The following RUFY2 variants were observed in gnomAD, a reference collection of about 807,000 sequenced individuals.
RUFY2 encodes the protein RUN and FYVE domain-containing protein 2.
RUFY2 carries 49 observed loss-of-function variants against 94.4 expected under a neutral mutation model. The observed-to-expected ratio is 0.52, with a 90% CI of 0.41 to 0.66. The LOEUF (loss-of-function observed/expected upper bound fraction) is 0.66, where lower values mean the gene tolerates loss of function less well. Ranked by LOEUF, RUFY2 falls within the 30% of genes least tolerant of loss-of-function variation. RUFY2 has a pLI of 0.00. For missense variants in RUFY2, 541 were observed against 692.8 expected (o/e 0.78, Z 2.46); for synonymous variants, 255 against 235.7 (o/e 1.08, Z -0.75).
intron 15 of RUFY2, among the ~76,000 whole-genome samples, chr10:68,355,944 T>C (rs1424436012): frequency 6.6e-6 from 1 of 151,464 alleles, no homozygotes; most frequent in Non-Finnish European, 1.5e-5. Context: ...AAAAGAAATA[T>C]TGGCATTTTC....
At chr10:68,349,399 G>A (rs1564774807) in intron 16 of RUFY2, among the ~76,000 whole-genome samples, 3 of 150,942 alleles carry the variant, frequency 2.0e-5, no homozygotes, top group Non-Finnish European at 4.4e-5. Context: ...GTACACCTGT[G>A]GTCCCAGCAA....
At chr10:68,406,184 A>G (rs1342583002) in intron 1 of RUFY2, among the ~76,000 whole-genome samples, 2 of 151,790 alleles carry the variant, frequency 1.3e-5, no homozygotes, top group East Asian at 3.9e-4. Context: ...ACAACAACAA[A>G]AAACCCAGAG....
At chr10:68,389,271 T>C (rs2049793461) in intron 7 of RUFY2, among the ~76,000 whole-genome samples, 3 of 152,132 alleles carry the variant, frequency 2.0e-5, no homozygotes, top group Non-Finnish European at 2.9e-5. Flanking sequence ...TTAACACACA[T>C]GATTTAAACA....
chr10:68,352,375 G>A (rs971945642), intron 16 of RUFY2, among the ~76,000 whole-genome samples: 11 of 152,138 alleles, frequency 7.2e-5, no homozygotes, highest in Non-Finnish European at 1.5e-4. Context: ...AGGGAATTCA[G>A]GCAACAGGAG....
chr10:68,370,739 G>T (rs1413698129), intron 13 of RUFY2, among the ~76,000 whole-genome samples: 4 of 152,048 alleles, frequency 2.6e-5, no homozygotes, highest in Non-Finnish European at 5.9e-5. Flanking sequence ...TACTGAAATG[G>T]CTCAAGAGAA....
At chr10:68,405,040 C>T (rs1258274885) in intron 1 of RUFY2, among the ~76,000 whole-genome samples, 196 bp from the exon 2 acceptor site, 1 of 152,100 alleles carries the variant, frequency 6.6e-6, no homozygotes, top group Non-Finnish European at 1.5e-5. Flanking sequence ...TCCGGCCAGG[C>T]GCGGTGGCTC....
At chr10:68,382,729 GA>G (rs1188415322) in intron 10 of RUFY2, among the ~76,000 whole-genome samples, 66 of 120,524 alleles carry the variant, frequency 5.5e-4, no homozygotes, top group African/African-American at 1.4e-3. Context: ...AAAAAAAAAA[GA>G]AAAAAAAAAG....
At chr10:68,364,140 C>G (rs891154787) in intron 13 of RUFY2, 27 bp from the exon 14 acceptor site, 3 of 1,598,798 alleles carry the variant, frequency 1.9e-6, no homozygotes, top group Non-Finnish European at 2.6e-6. Flanking sequence ...CACACAGAAG[C>G]TCAGTGCTAT....
chr10:68,359,006 G>A (rs1159705102), intron 15 of RUFY2, among the ~76,000 whole-genome samples: 1 of 152,030 alleles, frequency 6.6e-6, no homozygotes, highest in African/African-American at 2.4e-5. Context: ...CAAAAAAGAC[G>A]GCCTCTCTAT....
intron 11 of RUFY2, among the ~76,000 whole-genome samples, chr10:68,380,326 G>A (rs2048965122): frequency 6.6e-6 from 1 of 151,744 alleles, no homozygotes; most frequent in African/African-American, 2.4e-5. Context: ...GGAGGCCAAG[G>A]TGGGAGGATC....
intron 12 of RUFY2, chr10:68,377,199 C>A: frequency 7.3e-7 from 1 of 1,370,992 alleles, no homozygotes; most frequent in Non-Finnish European, 9.4e-7. Flanking sequence ...AGAATACTAT[C>A]TTCAAATTTG....
In RUFY2 at chr10:68,365,308, G is replaced by C. The variant is rs75208892; in HGVS notation, c.1326-1195C>G. Among the ~76,000 whole-genome samples, 1,337 of 152,272 alleles carry C rather than the reference G, an allele frequency of 8.8e-3. 32 individuals carry two copies. The highest frequency in any genetic ancestry group is 0.03 in the African/African-American group (1,264 of 41,540). On this transcript the variant is annotated intron_variant, in intron 13 of 17. Transcript: ENST00000602465. ...TACAATGCTGACAAGAAAAAAAACT[G>C]ATTCCCACTAGCACCACTGTCTGTG...
intron 11 of RUFY2, among the ~76,000 whole-genome samples, chr10:68,380,648 G>C (rs954268870): frequency 2.0e-5 from 3 of 152,018 alleles, no homozygotes; most frequent in Admixed American, 2.0e-4. Flanking sequence ...GATCACCTGA[G>C]GTCAGGAATT....
At chr10:68,356,307 C>T (rs184376366) in intron 15 of RUFY2, among the ~76,000 whole-genome samples, 6 of 152,124 alleles carry the variant, frequency 3.9e-5, no homozygotes, top group Admixed American at 2.6e-4. Flanking sequence ...AGTTCGAGAC[C>T]AGCCTGGTCA....
chr10:68,402,539 G>C (rs1000104908), intron 2 of RUFY2, among the ~76,000 whole-genome samples: 1 of 152,066 alleles, frequency 6.6e-6, no homozygotes, highest in Non-Finnish European at 1.5e-5. Flanking sequence ...TTCAACATAA[G>C]TTGTGAAGTA....
chr10:68,388,201 C>A (rs2049668545), intron 7 of RUFY2, among the ~76,000 whole-genome samples: 1 of 150,642 alleles, frequency 6.6e-6, no homozygotes, highest in Non-Finnish European at 1.5e-5. Context: ...CACGGTGGCT[C>A]CACATGTAAT....
Position 68,404,834 on chromosome 10 carries a change from G to T in RUFY2, c.15C>A (p.Asp5Glu). MATKDPTAVERANLL... is the reference protein window; with the variant it reads MATKEPTAVERANLL... ...AGTTTGCTCTCTCTACAGCTGTGGG[G>T]TCTTTTGTAGCTGAAAACACAAGAA... Residue 5 changes from aspartate to glutamate, a missense_variant, in exon 2 of 18, where the codon GAC becomes GAA. This residue lies in a region of RUFY2 where 53 missense variants were observed against 58.6 expected (regional missense o/e 0.90). Coordinates refer to ENST00000602465, the MANE Select transcript of RUFY2 (RefSeq NM_001330103.2). The T allele has an allele frequency of 6.4e-7, 1 of 1,558,236 alleles. No individual in the cohort carries two copies. The highest frequency in any genetic ancestry group is 1.4e-5 in the African/African-American group (1 of 72,418).
intron 15 of RUFY2, among the ~76,000 whole-genome samples, chr10:68,361,584 T>G (rs2047466858): frequency 6.6e-6 from 1 of 152,214 alleles, no homozygotes; most frequent in Non-Finnish European, 1.5e-5. Flanking sequence ...ATCTTGCTTA[T>G]CAGAACCACA....
chr10:68,361,082 G>GACT lies in RUFY2; in HGVS notation c.1550+2505_1550+2507dup, dbSNP rs2047431569. On this transcript the variant is annotated intron_variant, in intron 15 of 17. Transcript: ENST00000602465. ...AGATCACCTGAGGTCAGGAGTTCAA[G>GACT]ACTAGACTGGCCAACATGGTAAAAC... Among the ~76,000 whole-genome samples, 3 of 152,006 alleles carry GACT rather than the reference G, an allele frequency of 2.0e-5. No individual in the cohort carries two copies. In the South Asian group the frequency reaches 6.2e-4, roughly 32 times the overall value.
Sources: allele counts gnomAD v4.1 joint callset (sites outside exome capture counted in the v4.1 genomes callset), GRCh38; gene constraint gnomAD v4.1.1; regional missense constraint gnomAD v4.1.1; transcripts MANE v1.5; gene names NCBI Gene and HGNC (gene_info 2026-07-23, HGNC 2026-07-21).